CSMD1: variants seen among roughly 807,000 people sequenced by gnomAD.
CSMD1 encodes the protein CUB and Sushi multiple domains 1.
In CSMD1, 213 loss-of-function variants were observed where a neutral mutation model predicts 417.5. The ratio of observed to expected loss-of-function variants is 0.51; its 90% confidence interval spans 0.46 to 0.57. The LOEUF (loss-of-function observed/expected upper bound fraction) is 0.57, where lower values mean the gene tolerates loss of function less well. Ranked by LOEUF, CSMD1 falls within the 20% of genes least tolerant of loss-of-function variation. The pLI, the probability that CSMD1 is intolerant of heterozygous loss-of-function variation, is 0.00. For missense variants in CSMD1, 6,923 were observed against 4,529.7 expected (o/e 1.53, Z -15.17); for synonymous variants, 2,862 against 1,736.8 (o/e 1.65, Z -16.11).
chr8:3,055,496 T>G (rs140556135), intron 49 of CSMD1, among the ~76,000 whole-genome samples: 1 of 152,222 alleles, frequency 6.6e-6, no homozygotes, highest in Non-Finnish European at 1.5e-5. Flanking sequence ...GCTCATGGGA[T>G]GAAGACAGTT....
chr8:4,813,241 C>A (rs903742255), intron 1 of CSMD1, among the ~76,000 whole-genome samples: 1 of 152,044 alleles, frequency 6.6e-6, no homozygotes. Context: ...TTAGAAAAAT[C>A]AAACATGAAA....
At chr8:3,962,247 G>C (rs537451906) in intron 5 of CSMD1, among the ~76,000 whole-genome samples, 2 of 152,278 alleles carry the variant, frequency 1.3e-5, no homozygotes, top group South Asian at 2.1e-4. Context: ...GTTCACTCCA[G>C]ATTTGGTCAT....
chr8:3,010,466 T>G (rs575426706), intron 52 of CSMD1, among the ~76,000 whole-genome samples: 1 of 152,270 alleles, frequency 6.6e-6, no homozygotes, highest in Admixed American at 6.5e-5. Flanking sequence ...CAGGCTCTTA[T>G]GACCAGGCGG....
At position 3,154,215 on chromosome 8, in the gene CSMD1, C is replaced by G. The variant is rs183405083; in HGVS notation, c.5915-2702G>C. Among the ~76,000 whole-genome samples the G allele has an allele frequency of 7.0e-3, 1,060 of 152,302 alleles. 10 individuals are homozygous for G. The highest frequency in any genetic ancestry group is 0.024 in the African/African-American group (1,014 of 41,564). ...CTCGAACTCCTGACCTCAGGTGATC[C>G]ACCTGCCTCGGCCTCCCGAAGTGAG... On this transcript the variant is annotated intron_variant, in intron 39 of 69. Coordinates refer to ENST00000635120, the MANE Select transcript of CSMD1 (RefSeq NM_033225.6).
At chr8:3,500,522 G>A (rs1563097813) in intron 10 of CSMD1, among the ~76,000 whole-genome samples, 1 of 152,128 alleles carries the variant, frequency 6.6e-6, no homozygotes, top group Non-Finnish European at 1.5e-5. Flanking sequence ...GAGGAATGAG[G>A]ATGAGCTGCA....
chr8:4,881,538 T>G (rs970287911), intron 1 of CSMD1, among the ~76,000 whole-genome samples: 9 of 151,120 alleles, frequency 6.0e-5, no homozygotes, highest in African/African-American at 9.7e-5. Flanking sequence ...AGTTAGTTTT[T>G]TTTTTTTTTT....
intron 39 of CSMD1, among the ~76,000 whole-genome samples, chr8:3,157,504 T>G (rs1044307756): frequency 3.3e-5 from 5 of 152,210 alleles, no homozygotes; most frequent in Non-Finnish European, 7.3e-5. Flanking sequence ...TCATTCTGAA[T>G]TTTCTTCCTG....
Position 4,020,927 on chromosome 8 carries a change from G to A in CSMD1, c.610+10978C>T, listed in dbSNP as rs568492053. Among the ~76,000 whole-genome samples the A allele has an allele frequency of 8.5e-5, 13 of 152,288 alleles. No individual in the cohort carries two copies. The East Asian group carries it at 1.3e-3, about 16-fold the overall frequency. ...TTCAGCAATTGCTGAAACTTAAAGGGAAGAATTTCCAACACATTGTGACGT... is the reference window on the plus strand; with the variant it reads ...TTCAGCAATTGCTGAAACTTAAAGGAAAGAATTTCCAACACATTGTGACGT... On this transcript the variant is annotated intron_variant, in intron 4 of 69. Transcript: ENST00000635120.
intron 1 of CSMD1, among the ~76,000 whole-genome samples, chr8:4,696,587 T>C (rs532574389): frequency 6.6e-6 from 1 of 152,300 alleles, no homozygotes; most frequent in East Asian, 1.9e-4. Flanking sequence ...AACAGTTAAT[T>C]TCCCCCGTAT....
chr8:4,728,961 A>T (rs1313218852), intron 1 of CSMD1, among the ~76,000 whole-genome samples: 1 of 152,170 alleles, frequency 6.6e-6, no homozygotes, highest in African/African-American at 2.4e-5. Flanking sequence ...GGAGATAGAG[A>T]TGGACAGCTG....
At chr8:4,523,497 G>C (rs575591745) in intron 2 of CSMD1, among the ~76,000 whole-genome samples, 1 of 152,170 alleles carries the variant, frequency 6.6e-6, no homozygotes, top group African/African-American at 2.4e-5. Context: ...AGGAGTGTAG[G>C]ATGGCTGTTG....
chr8:3,996,590 C>G (rs1006214837), intron 5 of CSMD1, among the ~76,000 whole-genome samples: 1 of 151,970 alleles, frequency 6.6e-6, no homozygotes, highest in African/African-American at 2.4e-5. Context: ...TTAGACATAG[C>G]GAGATAGGTA....
intron 23 of CSMD1, among the ~76,000 whole-genome samples, chr8:3,311,422 G>C (rs1451519030): frequency 1.3e-5 from 2 of 151,998 alleles, no homozygotes; most frequent in South Asian, 2.1e-4. Flanking sequence ...GCTAATTTTT[G>C]TATTTTTAGT....
chr8:4,381,956 A>G (rs1584988057), intron 3 of CSMD1, among the ~76,000 whole-genome samples: 1 of 152,084 alleles, frequency 6.6e-6, no homozygotes, highest in South Asian at 2.1e-4. Flanking sequence ...GAATAACTGC[A>G]CTAAGTGGAC....
At chr8:3,664,003 T>C (rs182161472) in intron 7 of CSMD1, among the ~76,000 whole-genome samples, 1 of 152,358 alleles carries the variant, frequency 6.6e-6, no homozygotes, top group East Asian at 1.9e-4. Flanking sequence ...AGCCATTGGA[T>C]GGCTTGAGTT....
intron 5 of CSMD1, among the ~76,000 whole-genome samples, chr8:3,791,816 C>T (rs1439312817): frequency 6.8e-6 from 1 of 147,894 alleles, no homozygotes; most frequent in Non-Finnish European, 1.5e-5. Context: ...GAATAAGACT[C>T]AGTATCAAAT....
In CSMD1 at chr8:3,946,400, T is replaced by C. The variant is rs76110258; in HGVS notation, c.818+51503A>G. 3.6e-3 allele frequency among the ~76,000 whole-genome samples: 548 copies of C among 152,254 alleles called. 1 individual carries two copies. Among genetic ancestry groups the C allele is most frequent in the Middle Eastern group, 0.014 (4 of 294 alleles). ...TCTCTGGATTTTCTCGTCTATACCA[T>C]TGAGCAATCCCGCATCACCTTGGCT... On this transcript the variant is annotated intron_variant, in intron 5 of 69. Transcript: ENST00000635120.
Position 3,954,495 on chromosome 8 carries a change from T to C in CSMD1, c.818+43408A>G, listed in dbSNP as rs201292847. ...GATTCTGCTGCCTCAGCTTCCTGAGTAGCTGGGATTACAGGCACCCACCAC... is the reference window on the plus strand; with the variant it reads ...GATTCTGCTGCCTCAGCTTCCTGAGCAGCTGGGATTACAGGCACCCACCAC... On this transcript the variant is annotated intron_variant, in intron 5 of 69. Transcript: ENST00000635120. Among the ~76,000 whole-genome samples the C allele has an allele frequency of 1.3e-4, 20 of 152,166 alleles. No homozygotes were observed. In the East Asian group the frequency reaches 2.3e-3, roughly 18 times the overall value.
intron 3 of CSMD1, among the ~76,000 whole-genome samples, chr8:4,258,962 G>A (rs973812666): frequency 1.3e-5 from 2 of 152,192 alleles, no homozygotes; most frequent in Non-Finnish European, 2.9e-5. Context: ...ACACTAAGGT[G>A]TATAAATGTC....
Sources: allele counts gnomAD v4.1 joint callset (sites outside exome capture counted in the v4.1 genomes callset), GRCh38; gene constraint gnomAD v4.1.1; transcripts MANE v1.5; gene names NCBI Gene and HGNC (gene_info 2026-07-23, HGNC 2026-07-21).